SH3GL2: variants seen among roughly 807,000 people sequenced by gnomAD.
The protein encoded by SH3GL2 is endophilin-A1.
In SH3GL2, 24 loss-of-function variants were observed where a neutral mutation model predicts 46.0. The ratio of observed to expected loss-of-function variants is 0.52; its 90% CI spans 0.38 to 0.73. The LOEUF is 0.73. Among genes scored for constraint, SH3GL2 ranks in the 30% least tolerant of loss-of-function variants. The pLI, the probability that SH3GL2 is intolerant of heterozygous loss-of-function variation, is 0.00. For missense variants in SH3GL2, 413 were observed against 424.2 expected (o/e 0.97, Z 0.23); for synonymous variants, 196 against 147.1 (o/e 1.33, Z -2.40).
chr9:17,601,093 T>C (rs1216409261), intron 1 of SH3GL2, among the ~76,000 whole-genome samples: 1 of 152,196 alleles, frequency 6.6e-6, no homozygotes, highest in East Asian at 1.9e-4. Context: ...GGGTGCCTCA[T>C]GTGTGGTGGT....
intron 1 of SH3GL2, among the ~76,000 whole-genome samples, chr9:17,626,975 C>T (rs887083703): frequency 1.3e-5 from 2 of 152,154 alleles, no homozygotes; most frequent in Non-Finnish European, 2.9e-5. Context: ...CCAGGATAAT[C>T]TTCTTTAACC....
In SH3GL2 at chr9:17,779,861, G is replaced by T. The variant is rs567071785; in HGVS notation, c.188-6520G>T. 5.1e-3 allele frequency among the ~76,000 whole-genome samples: 774 copies of T among 152,210 alleles called. 9 individuals are homozygous for T. The highest frequency in any genetic ancestry group is 0.018 in the African/African-American group (741 of 41,536). ...GGATATTGTTAGACTTTGTGTTTCTGCAGTTGAAGTACTTACACACTTCCA... is the reference window on the plus strand; with the variant it reads ...GGATATTGTTAGACTTTGTGTTTCTTCAGTTGAAGTACTTACACACTTCCA... On this transcript the variant is annotated intron_variant, in intron 3 of 8. Coordinates refer to ENST00000380607, the MANE Select transcript of SH3GL2 (RefSeq NM_003026.5).
chr9:17,610,887 C>A (rs1045518868), intron 1 of SH3GL2, among the ~76,000 whole-genome samples: 69 of 152,106 alleles, frequency 4.5e-4, no homozygotes, highest in African/African-American at 1.5e-3. Flanking sequence ...TTAGTAATCT[C>A]GTTTTTAAGG....
chr9:17,782,160 A>C (rs1823827985), intron 3 of SH3GL2, among the ~76,000 whole-genome samples: 2 of 152,154 alleles, frequency 1.3e-5, no homozygotes, highest in Admixed American at 6.6e-5. Flanking sequence ...TTTCTTCTGT[A>C]TAGGGAATGC....
At chr9:17,702,405 G>T (rs1821361592) in intron 1 of SH3GL2, among the ~76,000 whole-genome samples, 1 of 151,578 alleles carries the variant, frequency 6.6e-6, no homozygotes, top group Non-Finnish European at 1.5e-5. Flanking sequence ...AAAGAATCAG[G>T]ATATATGTAC....
At chr9:17,583,810 T>G (rs1431783324) in intron 1 of SH3GL2, among the ~76,000 whole-genome samples, 2 of 152,230 alleles carry the variant, frequency 1.3e-5, no homozygotes, top group African/African-American at 4.8e-5. Context: ...CAGAATGCTG[T>G]ATTTTATATG....
At chr9:17,777,707 TTC>T (rs771286437) in intron 3 of SH3GL2, among the ~76,000 whole-genome samples, 1 of 152,040 alleles carries the variant, frequency 6.6e-6, no homozygotes, top group African/African-American at 2.4e-5. Context: ...AGAGAGATTG[TTC>T]TCTCTCTTCC....
intron 1 of SH3GL2, among the ~76,000 whole-genome samples, chr9:17,593,660 G>C (rs1467227116): frequency 6.6e-6 from 1 of 152,154 alleles, no homozygotes; most frequent in Non-Finnish European, 1.5e-5. Context: ...TTTTCTGCCT[G>C]TAATGGGGTA....
intron 3 of SH3GL2, among the ~76,000 whole-genome samples, chr9:17,771,000 T>TA (rs1328988263): frequency 1.3e-5 from 2 of 152,214 alleles, no homozygotes; most frequent in Non-Finnish European, 2.9e-5. Flanking sequence ...TGCCCAGACT[T>TA]ACTTGCAGAA....
chr9:17,580,907 A>G (rs922219789), intron 1 of SH3GL2, among the ~76,000 whole-genome samples: 1 of 152,206 alleles, frequency 6.6e-6, no homozygotes, highest in African/African-American at 2.4e-5. Flanking sequence ...CTCAAAGGCA[A>G]TTAAGAGTCT....
intron 1 of SH3GL2, among the ~76,000 whole-genome samples, chr9:17,630,709 A>G (rs1317436790): frequency 6.6e-6 from 1 of 152,204 alleles, no homozygotes; most frequent in African/African-American, 2.4e-5. Flanking sequence ...CTGCTACCTA[A>G]CAGTTATTCT....
intron 3 of SH3GL2, among the ~76,000 whole-genome samples, chr9:17,775,034 G>T (rs1372806039): frequency 6.6e-6 from 1 of 152,078 alleles, no homozygotes; most frequent in Non-Finnish European, 1.5e-5. Context: ...CTAAGAGTTT[G>T]TCCATTTCAT....
intron 1 of SH3GL2, among the ~76,000 whole-genome samples, chr9:17,724,916 T>C (rs1821984691): frequency 6.6e-6 from 1 of 151,900 alleles, no homozygotes; most frequent in African/African-American, 2.4e-5. Flanking sequence ...GCTTAGCCAG[T>C]TGGATGTATG....
At chr9:17,773,787 T>A (rs769686786) in intron 3 of SH3GL2, among the ~76,000 whole-genome samples, 37 of 152,124 alleles carry the variant, frequency 2.4e-4, no homozygotes, top group Admixed American at 1.3e-4. Flanking sequence ...TGGAGTCCCT[T>A]GAGATTCCAT....
chr9:17,789,598 A>G (rs989508009), intron 6 of SH3GL2, 48 bp downstream of exon 6: 2 of 1,607,958 alleles, frequency 1.2e-6, no homozygotes, highest in Non-Finnish European at 1.7e-6. Context: ...TCGAGGCACA[A>G]CATTAATATG....
chr9:17,733,285 T>A (rs1342699444), intron 1 of SH3GL2, among the ~76,000 whole-genome samples: 1 of 152,064 alleles, frequency 6.6e-6, no homozygotes, highest in Non-Finnish European at 1.5e-5. Context: ...TTCATTTTTT[T>A]ATTATTATAC....
chr9:17,654,472 C>T (rs1450641209), intron 1 of SH3GL2, among the ~76,000 whole-genome samples: 2 of 152,082 alleles, frequency 1.3e-5, no homozygotes, highest in African/African-American at 2.4e-5. Context: ...TTGGCTAGAC[C>T]ATTGAGAGTT....
intron 1 of SH3GL2, among the ~76,000 whole-genome samples, chr9:17,697,280 G>C (rs1041463021): frequency 6.6e-6 from 1 of 151,514 alleles, no homozygotes; most frequent in African/African-American, 2.4e-5. Flanking sequence ...CTGGAGTGCA[G>C]TGACATGATC....
intron 1 of SH3GL2, among the ~76,000 whole-genome samples, chr9:17,685,282 C>T (rs995891958): frequency 3.2e-4 from 48 of 152,062 alleles, no homozygotes; most frequent in African/African-American, 1.2e-3. Flanking sequence ...GGAATTGGTG[C>T]TGCATTCTTG....
Sources: gnomAD v4.1 joint callset for allele counts (sites outside exome capture counted in the v4.1 genomes callset) on GRCh38, gnomAD v4.1.1 for gene constraint, MANE v1.5 for transcripts, NCBI Gene and HGNC (gene_info 2026-07-23, HGNC 2026-07-21) for gene names.